The following ARMC2 variants were observed in gnomAD, a reference collection of about 807,000 sequenced individuals.
ARMC2 encodes the protein armadillo repeat containing 2, also known as armadillo repeat-containing protein 2.
A neutral mutation model predicts 90.3 loss-of-function variants in ARMC2; 67 were observed. The ratio of observed to expected loss-of-function variants is 0.74; its 90% CI spans 0.61 to 0.91. ARMC2 has a LOEUF of 0.91. Among genes scored for constraint, ARMC2 ranks in the 40% least tolerant of loss-of-function variants. The probability of loss-of-function intolerance (pLI) is 0.00; values close to 1 mark genes in which losing one functional copy is unlikely to be tolerated. For missense variants in ARMC2, 920 were observed against 1,030.9 expected (o/e 0.89, Z 1.47); for synonymous variants, 393 against 393.0 (o/e 1.00, Z 0.00).
chr6:109,033,209 T>C, the ARMC2 span, among the ~76,000 whole-genome samples: 3 of 152,092 alleles, frequency 2.0e-5, no homozygotes, highest in Admixed American at 2.0e-4. Flanking sequence ...CACTTTAAGC[T>C]AAAGAGAGTG....
chr6:108,998,759 A>G, the ARMC2 span: 7 of 1,598,434 alleles, frequency 4.4e-6, no homozygotes, highest in Non-Finnish European at 8.5e-7. Context: ...AAAGTCCCTT[A>G]GGGGGAAAAA....
At chr6:108,893,331 T>G (rs1457414881) in intron 5 of ARMC2, among the ~76,000 whole-genome samples, 3 of 152,242 alleles carry the variant, frequency 2.0e-5, no homozygotes, top group Non-Finnish European at 4.4e-5. Context: ...AAAAATGGAA[T>G]CAGGGCACAT....
chr6:108,979,686 C>T, the ARMC2 span, among the ~76,000 whole-genome samples: 4 of 151,804 alleles, frequency 2.6e-5, no homozygotes, highest in East Asian at 5.9e-4. Context: ...AGGCTTTGTT[C>T]GTTTCTTTTC....
At chr6:108,871,457 G>C (rs1359321960) in intron 4 of ARMC2, among the ~76,000 whole-genome samples, 1 of 152,062 alleles carries the variant, frequency 6.6e-6, no homozygotes, top group African/African-American at 2.4e-5. Flanking sequence ...CAAAGGGTTT[G>C]CCAAGATGAG....
chr6:108,988,527 C>T, the ARMC2 span: 2 of 1,584,982 alleles, frequency 1.3e-6, no homozygotes, highest in Non-Finnish European at 1.7e-6. Context: ...GTAAATAAGC[C>T]ACAATAGGCA....
At chr6:108,964,369 T>C in intron 16 of ARMC2, 57 bp downstream of exon 16, 3 of 1,571,042 alleles carry the variant, frequency 1.9e-6, no homozygotes, top group Non-Finnish European at 2.6e-6. Context: ...CATCATTTTC[T>C]TGGGAGCTTT....
chr6:108,929,090 A>G (rs946624767), intron 11 of ARMC2, among the ~76,000 whole-genome samples: 1 of 152,162 alleles, frequency 6.6e-6, no homozygotes, highest in Non-Finnish European at 1.5e-5. Context: ...TTACCCAGGC[A>G]GTAAGCATAG....
intron 3 of ARMC2, among the ~76,000 whole-genome samples, chr6:108,862,079 C>T (rs182570730): frequency 6.6e-5 from 10 of 152,196 alleles, no homozygotes; most frequent in Non-Finnish European, 1.3e-4. Context: ...CTCAGTGGCT[C>T]ATGCATGTGA....
chr6:108,853,482 GT>G (rs994119676), intron 1 of ARMC2, among the ~76,000 whole-genome samples: 2 of 151,044 alleles, frequency 1.3e-5, no homozygotes, highest in South Asian at 2.1e-4. Context: ...TGGACTTTGA[GT>G]TTTTTTTTAA....
At position 108,854,380 on chromosome 6, in the gene ARMC2, G is replaced by T. The variant is rs1038960264; in HGVS notation, c.113G>T (p.Arg38Ile). ...ATAAGTGAAGCAAGAAATGCATTAA[G>T]AACAGTTAGAACCCAAAGACCATTT... Reference protein sequence around the residue: ...EIISEARNALRTVRTQRPFTP... With the variant: ...EIISEARNALITVRTQRPFTP... Residue 38 changes from arginine (R) to isoleucine (I), a missense_variant, in exon 2 of 18, where the codon AGA (arginine) becomes ATA (isoleucine). Physicochemically the swap from Arg to Ile is moderately conservative, Grantham distance 97. Coordinates refer to ENST00000392644, the MANE Select transcript of ARMC2 (RefSeq NM_032131.6). 2 of 1,613,194 alleles carry T rather than the reference G, an allele frequency of 1.2e-6. No homozygotes were observed. Among genetic ancestry groups the T allele is most frequent in the Admixed American group, 1.7e-5 (1 of 59,950 alleles).
At chr6:108,937,389 G>A (rs1776040083) in intron 12 of ARMC2, among the ~76,000 whole-genome samples, 1 of 152,106 alleles carries the variant, frequency 6.6e-6, no homozygotes, top group African/African-American at 2.4e-5. Flanking sequence ...AGTCAGATGG[G>A]TAGGGTAGGA....
chr6:108,870,664 G>A (rs1776311194), intron 4 of ARMC2, among the ~76,000 whole-genome samples: 1 of 152,082 alleles, frequency 6.6e-6, no homozygotes, highest in South Asian at 2.1e-4. Context: ...GAAAAGACAA[G>A]ACAATGAGGA....
At chr6:109,046,992 G>C in the ARMC2 span, among the ~76,000 whole-genome samples, 1 of 74,294 alleles carries the variant, frequency 1.3e-5, no homozygotes, top group Non-Finnish European at 2.7e-5. Flanking sequence ...GGAGGGAGGT[G>C]GGGGGGGTCA....
intron 5 of ARMC2, among the ~76,000 whole-genome samples, chr6:108,879,407 C>A (rs969772837): frequency 6.6e-6 from 1 of 151,814 alleles, no homozygotes; most frequent in African/African-American, 2.4e-5. Context: ...ATATACCCAT[C>A]TACCCATTCA....
intron 4 of ARMC2, among the ~76,000 whole-genome samples, chr6:108,873,990 C>T (rs1776689141): frequency 6.6e-6 from 1 of 152,214 alleles, no homozygotes; most frequent in Non-Finnish European, 1.5e-5. Flanking sequence ...TGGTATATAA[C>T]AGGTATCAAA....
intron 7 of ARMC2, among the ~76,000 whole-genome samples, chr6:108,900,566 C>T (rs1455538099): frequency 6.6e-6 from 1 of 152,168 alleles, no homozygotes; most frequent in Non-Finnish European, 1.5e-5. Context: ...CAGGAAGATG[C>T]TCTAAGAGAA....
chr6:108,981,300 G>A, the ARMC2 span, among the ~76,000 whole-genome samples: 1 of 151,750 alleles, frequency 6.6e-6, no homozygotes, highest in Non-Finnish European at 1.5e-5. Context: ...TGGACCATTT[G>A]GAACCATCTA....
Position 108,973,808 on chromosome 6 carries a change from C to T in ARMC2, c.*294C>T, listed in dbSNP as rs1778914641. On this transcript the variant is annotated 3_prime_UTR_variant, in exon 18 of 18. Coordinates refer to ENST00000392644, the MANE Select transcript of ARMC2 (RefSeq NM_032131.6). ...CTCTATTAAACAATTTAGTTCTAGT[C>T]TTAAAATCTTGATTTAACAATTTTG... 1 of 238,858 alleles carries T rather than the reference C, an allele frequency of 4.2e-6. No individual in the cohort carries two copies. Among genetic ancestry groups the T allele is most frequent in the Non-Finnish European group, 8.2e-6 (1 of 122,246 alleles). The allele number at this position is 238,858 out of a possible 1,614,324, so 14.8% of individuals were successfully genotyped here. A position where few individuals can be genotyped will look rare whatever the true frequency, so the allele number is the denominator to read the frequency against.
chr6:108,930,080 T>G (rs1297473311), intron 11 of ARMC2, among the ~76,000 whole-genome samples: 2 of 150,296 alleles, frequency 1.3e-5, no homozygotes, highest in African/African-American at 4.9e-5. Flanking sequence ...TAAGCCAAGA[T>G]AGTGCCACTT....
Sources: allele counts gnomAD v4.1 joint callset (sites outside exome capture counted in the v4.1 genomes callset), GRCh38; gene constraint gnomAD v4.1.1; transcripts MANE v1.5; gene names NCBI Gene and HGNC (gene_info 2026-07-23, HGNC 2026-07-21).